The following ZNF385B variants were observed in gnomAD, a reference collection of about 807,000 sequenced individuals.
ZNF385B encodes zinc finger protein 385B.
Under a neutral mutation model 39.2 loss-of-function variants are expected in ZNF385B, and 23 were observed. The ratio of observed to expected loss-of-function variants is 0.59; its 90% CI spans 0.42 to 0.83. ZNF385B has a LOEUF of 0.83. ZNF385B is among the 40% of genes least tolerant of loss of function. The pLI, the probability that ZNF385B is intolerant of heterozygous loss-of-function variation, is 0.00. For synonymous variants in ZNF385B, 205 were observed against 222.6 expected (o/e 0.92, Z 0.70); for missense variants, 552 against 598.9 (o/e 0.92, Z 0.82).
intron 3 of ZNF385B, among the ~76,000 whole-genome samples, chr2:179,576,600 T>C (rs902753041): frequency 6.6e-6 from 1 of 152,226 alleles, no homozygotes; most frequent in African/African-American, 2.4e-5. Flanking sequence ...CCGTAGTTAC[T>C]GCATTATACT....
intron 1 of ZNF385B, among the ~76,000 whole-genome samples, chr2:179,813,861 C>T (rs1015707468): frequency 6.6e-6 from 1 of 152,136 alleles, no homozygotes; most frequent in Admixed American, 6.5e-5. Flanking sequence ...CAGCAATTTC[C>T]TTCAGACTCT....
intron 6 of ZNF385B, among the ~76,000 whole-genome samples, chr2:179,477,254 C>A (rs2053532449): frequency 6.6e-6 from 1 of 152,052 alleles, no homozygotes; most frequent in African/African-American, 2.4e-5. Context: ...AAACCTTAGA[C>A]AAAATTGAAA....
intron 3 of ZNF385B, among the ~76,000 whole-genome samples, chr2:179,674,066 T>C (rs1442617015): frequency 2.6e-5 from 4 of 152,190 alleles, no homozygotes; most frequent in African/African-American, 7.2e-5. Flanking sequence ...AAATTATCAA[T>C]AGTTTTTGTA....
intron 3 of ZNF385B, among the ~76,000 whole-genome samples, chr2:179,631,955 A>T (rs1439047018): frequency 6.6e-6 from 1 of 152,216 alleles, no homozygotes; most frequent in Non-Finnish European, 1.5e-5. Context: ...GAAGGCCAAC[A>T]CATAATGGTA....
In ZNF385B at chr2:179,731,671, C is replaced by T. The variant is rs148112226; in HGVS notation, c.298+37832G>A. ...AAGTGGTGCCTCATGCCTGTATTCC[C>T]AGCTACTCAGGAGGTTGGAGTGAGA... On this transcript the variant is annotated intron_variant, in intron 3 of 9. Transcript: ENST00000410066. Among the ~76,000 whole-genome samples, 983 of 152,272 alleles carry T rather than the reference C, an allele frequency of 6.5e-3. 5 individuals carry two copies. The highest frequency in any genetic ancestry group is 0.021 in the African/African-American group (888 of 41,534).
chr2:179,721,859 A>C (rs75749630), intron 3 of ZNF385B, among the ~76,000 whole-genome samples: 1 of 152,004 alleles, frequency 6.6e-6, no homozygotes, highest in African/African-American at 2.4e-5. Context: ...TGGCCAGTGG[A>C]ATAAGACAAA....
intron 3 of ZNF385B, among the ~76,000 whole-genome samples, chr2:179,767,903 TA>T (rs1458164604): frequency 1.3e-5 from 2 of 148,586 alleles, no homozygotes; most frequent in Non-Finnish European, 3.0e-5. Context: ...AACCTAACAC[TA>T]AATATATATA....
intron 3 of ZNF385B, among the ~76,000 whole-genome samples, chr2:179,714,306 A>T (rs1210487893): frequency 6.6e-6 from 1 of 152,234 alleles, no homozygotes. Context: ...TGATACCTTC[A>T]TAAGCAAGGA....
At chr2:179,563,016 C>A (rs1270364102) in intron 3 of ZNF385B, among the ~76,000 whole-genome samples, 2 of 152,084 alleles carry the variant, frequency 1.3e-5, no homozygotes, top group Non-Finnish European at 2.9e-5. Flanking sequence ...TGTTTCCTTT[C>A]CCATGGATTT....
chr2:179,706,978 G>C (rs966741607), intron 3 of ZNF385B, among the ~76,000 whole-genome samples: 1 of 152,116 alleles, frequency 6.6e-6, no homozygotes. Context: ...AAATCATCCT[G>C]GGACCCCAAG....
Position 179,725,902 on chromosome 2 carries a change from T to TTG in ZNF385B, c.298+43599_298+43600dup, listed in dbSNP as rs769169818. The stretch of plus-strand genomic sequence containing the variant: ...ATGATATATATATGAATATATGTGT[T>TTG]TGTGTGTGTATATATATATATATAT... On this transcript the variant is annotated intron_variant, in intron 3 of 9. Coordinates refer to ENST00000410066, the MANE Select transcript of ZNF385B (RefSeq NM_152520.6). Among the ~76,000 whole-genome samples, 352 of 138,416 alleles carry TTG rather than the reference T, an allele frequency of 2.5e-3. 2 individuals are homozygous for TTG. The highest frequency in any genetic ancestry group is 4.7e-3 in the African/African-American group (171 of 36,670). 90.8% of individuals were successfully genotyped at this position (138,416 alleles called of 152,430 possible).
chr2:179,800,378 A>G (rs357709), intron 1 of ZNF385B, among the ~76,000 whole-genome samples: 13,919 of 152,048 alleles, frequency 0.092, 909 homozygotes, highest in Admixed American at 0.18. Flanking sequence ...TACAAATCAT[A>G]TCCATTAAAA....
At chr2:179,512,489 TC>T (rs2057755856) in intron 5 of ZNF385B, among the ~76,000 whole-genome samples, 2 of 152,182 alleles carry the variant, frequency 1.3e-5, no homozygotes, top group Admixed American at 6.5e-5. Context: ...AATGTTAGTC[TC>T]AAAAAATTTT....
intron 3 of ZNF385B, among the ~76,000 whole-genome samples, chr2:179,672,204 T>C (rs534300241): frequency 3.3e-5 from 5 of 152,372 alleles, no homozygotes; most frequent in African/African-American, 1.2e-4. Flanking sequence ...ACTCAGAATT[T>C]ATCACTTATT....
chr2:179,524,551 C>CAGAAAAAAAAAAAAAAAAAAAA (rs2058749346), intron 4 of ZNF385B, among the ~76,000 whole-genome samples: 1 of 60,970 alleles, frequency 1.6e-5, no homozygotes, highest in African/African-American at 7.8e-5. Flanking sequence ...GACTCCGTCT[C>CAGAAAAAAAAAAAAAAAAAAAA]AAAAAAAAAA....
At chr2:179,592,031 T>C (rs1261946899) in intron 3 of ZNF385B, among the ~76,000 whole-genome samples, 5 of 152,170 alleles carry the variant, frequency 3.3e-5, no homozygotes, top group African/African-American at 7.2e-5. Context: ...GATTACAAAT[T>C]AGGCAGAAAC....
At chr2:179,804,972 AGT>A (rs1406462516) in intron 1 of ZNF385B, among the ~76,000 whole-genome samples, 1 of 152,156 alleles carries the variant, frequency 6.6e-6, no homozygotes, top group African/African-American at 2.4e-5. Context: ...CAATTCCTCC[AGT>A]TCAATATACT....
At chr2:179,576,043 T>C (rs890199850) in intron 3 of ZNF385B, 11 of 667,628 alleles carry the variant, frequency 1.6e-5, no homozygotes, top group African/African-American at 3.9e-5. Context: ...AGTTAGACGA[T>C]GGCAACTCTG....
chr2:179,739,463 T>G (rs1282187974), intron 3 of ZNF385B, among the ~76,000 whole-genome samples: 1 of 152,218 alleles, frequency 6.6e-6, no homozygotes, highest in Non-Finnish European at 1.5e-5. Context: ...TTGGTTGAAC[T>G]ATTTGGGTTT....
Sources: allele counts gnomAD v4.1 joint callset (sites outside exome capture counted in the v4.1 genomes callset), GRCh38; gene constraint gnomAD v4.1.1; transcripts MANE v1.5; gene names NCBI Gene and HGNC (gene_info 2026-07-23, HGNC 2026-07-21).